The following CSMD1 variants were observed in gnomAD, a reference collection of about 807,000 sequenced individuals.
CSMD1 encodes the protein CUB and Sushi multiple domains 1.
A neutral mutation model predicts 417.5 loss-of-function variants in CSMD1; 213 were observed. The observed-to-expected ratio is 0.51, with a 90% CI of 0.46 to 0.57. The LOEUF is 0.57. Among genes scored for constraint, CSMD1 ranks in the 20% least tolerant of loss-of-function variants. The pLI is 0.00. For synonymous variants in CSMD1, 2,862 were observed against 1,736.8 expected, an observed-to-expected ratio of 1.65 and a Z score of -16.11; for missense variants, 6,923 against 4,529.7, an observed-to-expected ratio of 1.53 and a Z score of -15.17.
At chr8:3,771,971 A>G (rs1432145839) in intron 5 of CSMD1, among the ~76,000 whole-genome samples, 1 of 152,030 alleles carries the variant, frequency 6.6e-6, no homozygotes, top group African/African-American at 2.4e-5. Context: ...CAGCAATTAC[A>G]GCATTTATCC....
At chr8:4,761,089 C>G (rs1812011217) in intron 1 of CSMD1, among the ~76,000 whole-genome samples, 1 of 152,086 alleles carries the variant, frequency 6.6e-6, no homozygotes, top group Non-Finnish European at 1.5e-5. Flanking sequence ...GTTTGTTAAT[C>G]AGACTGCAGG....
chr8:3,182,841 G>GGAGTGTGTGTGTGTGTGT (rs768081848), intron 36 of CSMD1: 1 of 11,470 alleles, frequency 8.7e-5, no homozygotes, highest in Non-Finnish European at 1.7e-4. Flanking sequence ...TTTATAAGAA[G>GGAGTGTGTGTGTGTGTGT]GTGTGTGTGT....
chr8:4,672,798 T>A (rs1256140553), intron 1 of CSMD1, among the ~76,000 whole-genome samples: 2 of 150,624 alleles, frequency 1.3e-5, no homozygotes, highest in Admixed American at 6.6e-5. Context: ...ATACTTACAC[T>A]CACATGCATG....
intron 26 of CSMD1, among the ~76,000 whole-genome samples, chr8:3,245,918 T>C (rs76072531): frequency 7.2e-5 from 11 of 152,206 alleles, no homozygotes; most frequent in African/African-American, 2.4e-4. Context: ...CGCATTCTAC[T>C]TGAAAGCCTA....
intron 8 of CSMD1, among the ~76,000 whole-genome samples, chr8:3,605,810 T>A (rs972409950): frequency 6.6e-6 from 1 of 152,220 alleles, no homozygotes; most frequent in Non-Finnish European, 1.5e-5. Context: ...AAATTCCCTT[T>A]AGAGCCTAGG....
chr8:4,576,511 C>T (rs1405588001), intron 2 of CSMD1, among the ~76,000 whole-genome samples: 1 of 152,194 alleles, frequency 6.6e-6, no homozygotes, highest in Non-Finnish European at 1.5e-5. Flanking sequence ...AAGTAACTCT[C>T]TCCTACTATA....
intron 26 of CSMD1, among the ~76,000 whole-genome samples, chr8:3,245,740 C>A (rs1431467394): frequency 1.3e-5 from 2 of 152,186 alleles, no homozygotes; most frequent in Non-Finnish European, 2.9e-5. Context: ...ACCCCAATTT[C>A]TGGGTGGATC....
chr8:4,278,716 A>T (rs1796620543), intron 3 of CSMD1, among the ~76,000 whole-genome samples: 1 of 152,196 alleles, frequency 6.6e-6, no homozygotes, highest in Non-Finnish European at 1.5e-5. Flanking sequence ...CCAGCTTGTA[A>T]CTTGCTGCCA....
intron 5 of CSMD1, among the ~76,000 whole-genome samples, chr8:3,762,527 G>A (rs1239760335): frequency 1.3e-5 from 2 of 152,232 alleles, no homozygotes; most frequent in Non-Finnish European, 2.9e-5. Context: ...TATCCTCTGT[G>A]ACTCAGCGAG....
intron 3 of CSMD1, among the ~76,000 whole-genome samples, chr8:4,117,865 T>C (rs943595583): frequency 2.7e-5 from 4 of 150,104 alleles, no homozygotes; most frequent in African/African-American, 9.9e-5. Context: ...ACTCAGGGCA[T>C]GTCAAAAACC....
intron 3 of CSMD1, among the ~76,000 whole-genome samples, chr8:4,103,103 T>C (rs1327743427): frequency 6.6e-6 from 1 of 152,110 alleles, no homozygotes; most frequent in African/African-American, 2.4e-5. Context: ...TTCTATAAAG[T>C]GGATTCTATC....
chr8:4,748,252 T>C (rs1363475231), intron 1 of CSMD1, among the ~76,000 whole-genome samples: 2 of 152,208 alleles, frequency 1.3e-5, no homozygotes, highest in Non-Finnish European at 2.9e-5. Flanking sequence ...AAGCAACCGA[T>C]TACAATCTTT....
chr8:3,063,504 C>T (rs1053073184), intron 49 of CSMD1, among the ~76,000 whole-genome samples: 1 of 152,102 alleles, frequency 6.6e-6, no homozygotes, highest in Admixed American at 6.6e-5. Context: ...TGGCTAAATA[C>T]CCAAAAGGAT....
intron 1 of CSMD1, among the ~76,000 whole-genome samples, chr8:4,841,279 A>G (rs1201617879): frequency 6.6e-6 from 1 of 152,244 alleles, no homozygotes; most frequent in African/African-American, 2.4e-5. Context: ...TTGGTTATTG[A>G]TTAGCCTTAA....
chr8:3,884,715 C>T (rs566612276), intron 5 of CSMD1, among the ~76,000 whole-genome samples: 1 of 152,020 alleles, frequency 6.6e-6, no homozygotes, highest in Non-Finnish European at 1.5e-5. Context: ...GAGAAAATGT[C>T]CATGATTGGC....
chr8:4,112,685 TTATATA>T (rs1469672957), intron 3 of CSMD1, among the ~76,000 whole-genome samples: 1 of 152,120 alleles, frequency 6.6e-6, no homozygotes, highest in Non-Finnish European at 1.5e-5. Context: ...GCCCCTATAT[TTATATA>T]TGAGGGTTTG....
rs10093258 is a variant in CSMD1, at chr8:4,919,261, G to A, written c.85+75071C>T. ...TTCAGAAATAATCTCTTGCCCAAAGGGAAAAAGAAGAGTTCTGTCAATTAG... is the reference window on the plus strand; with the variant it reads ...TTCAGAAATAATCTCTTGCCCAAAGAGAAAAAGAAGAGTTCTGTCAATTAG... On this transcript the variant is annotated intron_variant, in intron 1 of 69. Coordinates refer to ENST00000635120, the MANE Select transcript of CSMD1 (RefSeq NM_033225.6). Among the ~76,000 whole-genome samples the A allele has an allele frequency of 5.5e-3, 837 of 152,150 alleles. 5 individuals are homozygous for A. Among genetic ancestry groups the A allele is most frequent in the African/African-American group, 0.019 (782 of 41,496 alleles).
intron 41 of CSMD1, among the ~76,000 whole-genome samples, chr8:3,124,934 C>T (rs1196929084): frequency 6.6e-6 from 1 of 152,178 alleles, no homozygotes; most frequent in East Asian, 1.9e-4. Flanking sequence ...AAGAGTATCA[C>T]TAAGTAAGAG....
intron 1 of CSMD1, among the ~76,000 whole-genome samples, chr8:4,729,182 C>G (rs1809686472): frequency 6.6e-6 from 1 of 151,966 alleles, no homozygotes; most frequent in Admixed American, 6.6e-5. Flanking sequence ...AATCAGAGGT[C>G]TCAGGAAACA....
Sources: gnomAD v4.1 joint callset for allele counts (sites outside exome capture counted in the v4.1 genomes callset) on GRCh38, gnomAD v4.1.1 for gene constraint, MANE v1.5 for transcripts, NCBI Gene and HGNC (gene_info 2026-07-23, HGNC 2026-07-21) for gene names.